The following XPR1 variants were observed in gnomAD, a reference collection of about 807,000 sequenced individuals.
XPR1 encodes solute carrier family 53 member 1.
Under a neutral mutation model 87.5 loss-of-function variants are expected in XPR1, and 28 were observed. The observed-to-expected ratio is 0.32, with a 90% CI of 0.24 to 0.44. XPR1 has a LOEUF of 0.44. Ranked by LOEUF, XPR1 falls within the 20% of genes least tolerant of loss-of-function variation. XPR1 has a pLI of 1.00. For synonymous variants in XPR1, 300 were observed against 306.1 expected (o/e 0.98, Z 0.21); for missense variants, 559 against 862.3 (o/e 0.65, Z 4.41).
At chr1:180,802,607 C>CTTGTG (rs1229972724) in intron 3 of XPR1, among the ~76,000 whole-genome samples, 1 of 152,168 alleles carries the variant, frequency 6.6e-6, no homozygotes, top group East Asian at 1.9e-4. Context: ...CAAGGTTGTA[C>CTTGTG]AACCATCACT....
At chr1:180,770,127 GT>G (rs1648453636) in intron 2 of XPR1, among the ~76,000 whole-genome samples, 1 of 152,158 alleles carries the variant, frequency 6.6e-6, no homozygotes, top group Admixed American at 6.5e-5. Flanking sequence ...TTTTGCTTCA[GT>G]GCTCAGCTAC....
intron 2 of XPR1, among the ~76,000 whole-genome samples, chr1:180,784,113 C>G (rs2102084424): frequency 6.6e-6 from 1 of 151,946 alleles, no homozygotes; most frequent in East Asian, 1.9e-4. Context: ...TATAGAGATT[C>G]CTTTAGAATA....
chr1:180,731,326 A>T (rs1658550192), intron 2 of XPR1, among the ~76,000 whole-genome samples: 1 of 152,206 alleles, frequency 6.6e-6, no homozygotes, highest in African/African-American at 2.4e-5. Flanking sequence ...GGCTTTAATC[A>T]GGTGCTGCGG....
chr1:180,685,103 T>A (rs935747581), intron 2 of XPR1, among the ~76,000 whole-genome samples: 86 of 152,232 alleles, frequency 5.6e-4, no homozygotes, highest in African/African-American at 1.6e-3. Context: ...GCCCATTCAG[T>A]ATGATATTGG....
At chr1:180,851,611 C>T (rs1331064432) in intron 11 of XPR1, among the ~76,000 whole-genome samples, 1 of 152,078 alleles carries the variant, frequency 6.6e-6, no homozygotes, top group South Asian at 2.1e-4. Context: ...TTCCTTACAG[C>T]AATAACCTAC....
intron 14 of XPR1, 37 bp from the exon 15 acceptor site, chr1:180,883,969 T>C (rs377449507): frequency 1.4e-4 from 230 of 1,590,462 alleles, no homozygotes; most frequent in Non-Finnish European, 1.5e-4. Context: ...ATTTGGGTAA[T>C]GGACTAAGTG....
At position 180,638,707 on chromosome 1, in the gene XPR1, G is replaced by A. The variant is rs544254783; in HGVS notation, c.69+6437G>A. Among the ~76,000 whole-genome samples the A allele has an allele frequency of 4.6e-5, 7 of 152,226 alleles. No individual in the cohort carries two copies. In the East Asian group the frequency reaches 7.7e-4, roughly 17 times the overall value. ...TGTGTGTATGTGTGTATTTGGTTTT[G>A]TATTTCAGTCAACATAGTATTTTTA... On this transcript the variant is annotated intron_variant, in intron 1 of 14. Transcript: ENST00000367590.
In XPR1 at chr1:180,656,475, CATTATATATAATATTTATAT is replaced by C. The variant is rs1247099046; in HGVS notation, c.69+24228_69+24247del. 9.5e-3 allele frequency among the ~76,000 whole-genome samples: 46 copies of C among 4,846 alleles called. 17 individuals carry two copies. The highest frequency in any genetic ancestry group is 0.017 in the African/African-American group (44 of 2,638). 3.2% of individuals were successfully genotyped at this position (4,846 alleles called of 152,430 possible). On this transcript the variant is annotated intron_variant, in intron 1 of 14. Coordinates refer to ENST00000367590, the MANE Select transcript of XPR1 (RefSeq NM_004736.4). ...TATATATTTATATATAATATTTATA[CATTATATATAATATTTATAT>C]ATTATATATAATATTTATATATAAT...
chr1:180,882,260 G>A (rs1042628151), intron 14 of XPR1, among the ~76,000 whole-genome samples: 30 of 152,186 alleles, frequency 2.0e-4, no homozygotes, highest in African/African-American at 7.0e-4. Flanking sequence ...GGTGTACAGC[G>A]GAGAGAGCAG....
At chr1:180,839,709 A>G (rs1651437233) in intron 11 of XPR1, among the ~76,000 whole-genome samples, 1 of 152,198 alleles carries the variant, frequency 6.6e-6, no homozygotes, top group Non-Finnish European at 1.5e-5. Flanking sequence ...AAGTGTTTAG[A>G]CTAGGGGTTG....
At chr1:180,650,632 A>G (rs894660962) in intron 1 of XPR1, among the ~76,000 whole-genome samples, 3 of 152,230 alleles carry the variant, frequency 2.0e-5, no homozygotes, top group Middle Eastern at 3.2e-3. Flanking sequence ...TCTAGTAACA[A>G]GAGTGAGGAA....
intron 2 of XPR1, among the ~76,000 whole-genome samples, chr1:180,715,609 A>G (rs1421207780): frequency 1.3e-5 from 2 of 152,208 alleles, no homozygotes; most frequent in Admixed American, 6.5e-5. Flanking sequence ...TCTTGAAATT[A>G]TCTGTATGGG....
At chr1:180,856,013 G>A (rs1652016253) in intron 11 of XPR1, among the ~76,000 whole-genome samples, 1 of 151,910 alleles carries the variant, frequency 6.6e-6, no homozygotes, top group African/African-American at 2.4e-5. Context: ...CTTCCTTCTA[G>A]CCTATGTACA....
chr1:180,723,191 A>G lies in XPR1; in HGVS notation c.121+40780A>G, dbSNP rs185816702. ...CTGTAGAAAATTGGAGCATTCATAC[A>G]TTGCTGAAACTTTCTATATTACATT... On this transcript the variant is annotated intron_variant, in intron 2 of 14. Transcript: ENST00000367590. Among the ~76,000 whole-genome samples the G allele has an allele frequency of 2.5e-3, 376 of 152,324 alleles. 3 individuals are homozygous for G. The highest frequency in any genetic ancestry group is 4.1e-3 in the Admixed American group (62 of 15,308).
chr1:180,710,871 G>T (rs1657750709), intron 2 of XPR1, among the ~76,000 whole-genome samples: 1 of 151,848 alleles, frequency 6.6e-6, no homozygotes, highest in African/African-American at 2.4e-5. Context: ...TGGCCGGGTG[G>T]GGGCTGCCCC....
intron 2 of XPR1, among the ~76,000 whole-genome samples, chr1:180,750,998 C>T (rs1054409117): frequency 5.3e-5 from 8 of 151,926 alleles, no homozygotes; most frequent in Non-Finnish European, 1.0e-4. Context: ...TAAATTTATC[C>T]TTATTTCATA....
At chr1:180,873,507 G>A (rs868762144) in intron 12 of XPR1, among the ~76,000 whole-genome samples, 1 of 152,124 alleles carries the variant, frequency 6.6e-6, no homozygotes. Flanking sequence ...ATATTTCTGG[G>A]CCCTAGAAGA....
intron 2 of XPR1, among the ~76,000 whole-genome samples, chr1:180,692,743 A>G (rs953542366): frequency 6.6e-6 from 1 of 152,168 alleles, no homozygotes; most frequent in Non-Finnish European, 1.5e-5. Context: ...TTTTTCACAG[A>G]AAGAGAATTA....
At position 180,836,439 on chromosome 1, in the gene XPR1, G is replaced by T; in HGVS notation, c.1307-83G>T. 1.4e-6 allele frequency: 2 copies of T among 1,478,492 alleles called. No homozygotes were observed. The highest frequency in any genetic ancestry group is 2.3e-5 in the East Asian group (1 of 43,738). The allele number at this position is 1,478,492 out of a possible 1,614,324, so 91.6% of individuals were successfully genotyped here. On this transcript the variant is annotated intron_variant, in intron 10 of 14. Transcript: ENST00000367590. ...AAGGTTTTTTGCTTTTTTAGACTTG[G>T]TATTAGCTACACTATATGGCTAAAT...
Sources: allele counts gnomAD v4.1 joint callset (sites outside exome capture counted in the v4.1 genomes callset), GRCh38; gene constraint gnomAD v4.1.1; transcripts MANE v1.5; gene names NCBI Gene and HGNC (gene_info 2026-07-23, HGNC 2026-07-21).